Variants in SMAD6 observed in about 807,000 individuals in gnomAD.
SMAD6 encodes MAD homolog 6.
A neutral mutation model predicts 39.4 loss-of-function variants in SMAD6; 103 were observed. The ratio of observed to expected loss-of-function variants is 2.62; its 90% CI spans 2.23 to 3.08. The LOEUF (loss-of-function observed/expected upper bound fraction) is 3.08, where lower values mean the gene tolerates loss of function less well. Among genes scored for constraint, SMAD6 ranks in the 30% most tolerant of loss-of-function variants. The pLI, the probability that SMAD6 is intolerant of heterozygous loss-of-function variation, is 0.00. For synonymous variants in SMAD6, 445 were observed against 353.3 expected, an observed-to-expected ratio of 1.26 and a Z score of -2.91; for missense variants, 1,104 against 742.9, an observed-to-expected ratio of 1.49 and a Z score of -5.65.
chr15:66,745,754 C>G (rs558323261), intron 3 of SMAD6, among the ~76,000 whole-genome samples: 26 of 152,330 alleles, frequency 1.7e-4, no homozygotes, highest in African/African-American at 6.3e-4. Context: ...GGACAAGTCC[C>G]TTTCCCTCTC....
intron 3 of SMAD6, among the ~76,000 whole-genome samples, chr15:66,725,276 C>T (rs975676195): frequency 5.3e-5 from 8 of 152,086 alleles, no homozygotes; most frequent in Admixed American, 2.0e-4. Flanking sequence ...ATTCATGGCC[C>T]GTTTCCCCAT....
At chr15:66,745,301 C>T (rs1893887530) in intron 3 of SMAD6, among the ~76,000 whole-genome samples, 2 of 152,148 alleles carry the variant, frequency 1.3e-5, no homozygotes, top group African/African-American at 4.8e-5. Context: ...GCCCCCTACC[C>T]GCACTCCTAC....
chr15:66,748,975 C>A (rs929296405), intron 3 of SMAD6, among the ~76,000 whole-genome samples: 2 of 152,112 alleles, frequency 1.3e-5, no homozygotes, highest in African/African-American at 4.8e-5. Context: ...TGCCCGGTGC[C>A]CAGTCTAATT....
intron 3 of SMAD6, among the ~76,000 whole-genome samples, chr15:66,761,605 C>T (rs779783019): frequency 1.3e-5 from 2 of 152,272 alleles, no homozygotes; most frequent in East Asian, 3.9e-4. Flanking sequence ...GTATCTAGGA[C>T]GGGGGGCCCT....
At chr15:66,728,400 G>GTT (rs758049953) in intron 3 of SMAD6, among the ~76,000 whole-genome samples, 2,369 of 148,496 alleles carry the variant, frequency 0.016, 30 homozygotes, top group Non-Finnish European at 0.022. Flanking sequence ...TCATCCTTTT[G>GTT]TTTTTTTTTT....
At chr15:66,755,680 G>A (rs1386631131) in intron 3 of SMAD6, among the ~76,000 whole-genome samples, 1 of 152,186 alleles carries the variant, frequency 6.6e-6, no homozygotes, top group Non-Finnish European at 1.5e-5. Flanking sequence ...AGGTGGAAGA[G>A]CCCCTAGCTT....
Position 66,703,866 on chromosome 15 carries a change from G to T in SMAD6, c.608G>T (p.Gly203Val). Reference sequence around the variant, plus strand: ...GTGGAGTCCCGCGGCGGCGTGCCGGGCGGCTGCGTGCTGGTGCCGCGCGCC... The same window carrying T: ...GTGGAGTCCCGCGGCGGCGTGCCGGTCGGCTGCGTGCTGGTGCCGCGCGCC... ...EAVESRGGVP[G>V]GCVLVPRADL... Residue 203 changes from glycine to valine, a missense_variant, in exon 1 of 4, where the codon GGC becomes GTC. Coordinates refer to ENST00000288840, the MANE Select transcript of SMAD6 (RefSeq NM_005585.5). 2.2e-6 allele frequency: 3 copies of T among 1,335,012 alleles called. No individual in the cohort carries two copies. The highest frequency in any genetic ancestry group is 2.9e-6 in the Non-Finnish European group (3 of 1,034,796). 82.7% of individuals were successfully genotyped at this position (1,335,012 alleles called of 1,614,324 possible).
chr15:66,772,507 A>G (rs1894396005), intron 3 of SMAD6, among the ~76,000 whole-genome samples: 1 of 152,174 alleles, frequency 6.6e-6, no homozygotes, highest in East Asian at 1.9e-4. Context: ...ACCCTTATGA[A>G]CTATACAGGC....
At chr15:66,753,730 G>T (rs1894049169) in intron 3 of SMAD6, among the ~76,000 whole-genome samples, 1 of 152,174 alleles carries the variant, frequency 6.6e-6, no homozygotes, top group African/African-American at 2.4e-5. Context: ...ACTTGAAGAG[G>T]AAATTTACAT....
intron 3 of SMAD6, among the ~76,000 whole-genome samples, chr15:66,716,788 C>CGA (rs1893338861): frequency 6.6e-6 from 1 of 152,232 alleles, no homozygotes; most frequent in Non-Finnish European, 1.5e-5. Context: ...CAGCACAGCT[C>CGA]TCCCTTTCGT....
chr15:66,742,978 G>T (rs376567906), intron 3 of SMAD6, among the ~76,000 whole-genome samples: 1 of 152,164 alleles, frequency 6.6e-6, no homozygotes. Flanking sequence ...GTTAGCATGT[G>T]GTGGTGGTCC....
At chr15:66,735,014 T>G (rs1019002728) in intron 3 of SMAD6, among the ~76,000 whole-genome samples, 2 of 152,102 alleles carry the variant, frequency 1.3e-5, no homozygotes, top group Non-Finnish European at 2.9e-5. Flanking sequence ...AGCAGAAGGG[T>G]GTGCGGGGGC....
rs1359442505 is a variant in SMAD6, at chr15:66,703,818, C to T, written c.560C>T (p.Ser187Leu). The T allele has an allele frequency of 2.8e-6, 4 of 1,421,350 alleles. No individual in the cohort carries two copies. The highest frequency in any genetic ancestry group is 1.5e-5 in the African/African-American group (1 of 67,370). 88.0% of individuals were successfully genotyped at this position (1,421,350 alleles called of 1,614,324 possible). The part of the protein sequence containing the change: ...YSLLKRLKER[S>L]LDTLLEAVES... ...CTGCTGAAGCGGCTCAAGGAGCGCTCGCTGGACACGCTGCTGGAGGCGGTG... is the reference window on the plus strand; with the variant it reads ...CTGCTGAAGCGGCTCAAGGAGCGCTTGCTGGACACGCTGCTGGAGGCGGTG... The change falls in exon 1 of 4, where the codon TCG becomes TTG. Residue 187 changes from serine to leucine, a missense_variant. By Grantham distance (145) the Ser-to-Leu change is moderately radical. Coordinates refer to ENST00000288840, the MANE Select transcript of SMAD6 (RefSeq NM_005585.5).
intron 3 of SMAD6, among the ~76,000 whole-genome samples, chr15:66,725,707 C>T (rs1424801934): frequency 1.3e-5 from 2 of 152,172 alleles, no homozygotes; most frequent in African/African-American, 4.8e-5. Flanking sequence ...CCATTTGGCT[C>T]CTCAGCAGCC....
Position 66,729,686 on chromosome 15 carries a change from T to G in SMAD6, c.952+13188T>G, listed in dbSNP as rs186013967. Among the ~76,000 whole-genome samples the G allele has an allele frequency of 4.2e-3, 636 of 152,328 alleles. 4 individuals carry two copies. The highest frequency in any genetic ancestry group is 0.013 in the African/African-American group (549 of 41,582). ...AGTTACCGTAAGGGATTTTCTTCCC[T>G]GGCCCGCCCCCTCCCTTTCTTGGGT... On this transcript the variant is annotated intron_variant, in intron 3 of 3. Transcript: ENST00000288840.
intron 2 of SMAD6, among the ~76,000 whole-genome samples, chr15:66,713,931 G>A (rs569570333): frequency 1.3e-5 from 2 of 152,298 alleles, no homozygotes; most frequent in Middle Eastern, 3.4e-3. Flanking sequence ...GAGTGAGGGC[G>A]AGGAGCTTCC....
intron 3 of SMAD6, among the ~76,000 whole-genome samples, chr15:66,773,420 CTAAT>C (rs1465367600): frequency 4.6e-5 from 7 of 152,296 alleles, no homozygotes; most frequent in Non-Finnish European, 8.8e-5. Context: ...AAAAGAGCCT[CTAAT>C]TAATGCTGCA....
chr15:66,760,469 T>C (rs1436312596), intron 3 of SMAD6, among the ~76,000 whole-genome samples: 4 of 152,226 alleles, frequency 2.6e-5, no homozygotes, highest in Admixed American at 6.5e-5. Flanking sequence ...GAGAACTAGG[T>C]GTGCCTGGCA....
At chr15:66,744,466 T>TG (rs1298504391) in intron 3 of SMAD6, among the ~76,000 whole-genome samples, 1 of 152,110 alleles carries the variant, frequency 6.6e-6, no homozygotes, top group Non-Finnish European at 1.5e-5. Flanking sequence ...AGGCTGAGGG[T>TG]GGGGCCATGG....
Sources: gnomAD v4.1 joint callset for allele counts (sites outside exome capture counted in the v4.1 genomes callset) on GRCh38, gnomAD v4.1.1 for gene constraint, MANE v1.5 for transcripts, NCBI Gene and HGNC (gene_info 2026-07-23, HGNC 2026-07-21) for gene names.